The following SCN11A variants were observed in gnomAD, a reference collection of about 807,000 sequenced individuals.
SCN11A encodes sodium voltage-gated channel alpha subunit 11, also known as sodium channel protein type 11 subunit alpha.
SCN11A carries 122 observed loss-of-function variants against 162.2 expected under a neutral mutation model. The ratio of observed to expected loss-of-function variants is 0.75; its 90% CI spans 0.65 to 0.87. The LOEUF (loss-of-function observed/expected upper bound fraction) is 0.87. SCN11A is among the 40% of genes least tolerant of loss of function. The probability of loss-of-function intolerance (pLI) is 0.00; values close to 1 mark genes in which losing one functional copy is unlikely to be tolerated. For synonymous variants in SCN11A, 758 were observed against 751.5 expected (o/e 1.01, Z -0.14); for missense variants, 2,015 against 2,181.6 (o/e 0.92, Z 1.52).
chr3:38,898,629 C>A (rs73068506), intron 17 of SCN11A, among the ~76,000 whole-genome samples: 15,530 of 152,146 alleles, frequency 0.1, 1,073 homozygotes, highest in East Asian at 0.22. Flanking sequence ...TAGATCTTCA[C>A]GGACTTTATA....
At chr3:38,939,550 T>A (rs957661476) in intron 7 of SCN11A, among the ~76,000 whole-genome samples, 1 of 152,214 alleles carries the variant, frequency 6.6e-6, no homozygotes, top group Non-Finnish European at 1.5e-5. Context: ...CAGATATAAA[T>A]CACTTTACTG....
Position 38,926,813 on chromosome 3 carries a change from T to A in SCN11A, c.607A>T (p.Ile203Phe), listed in dbSNP as rs752554589. The change falls in exon 8 of 30, where the codon ATT becomes TTT. Residue 203 changes from isoleucine (I) to phenylalanine (F), a missense_variant. Coordinates refer to ENST00000302328, the MANE Select transcript of SCN11A (RefSeq NM_001349253.2). ...DPWNWLDSIV[I>F]GIAIVSYIPG... Reference sequence around the variant, plus strand: ...CTTTAATATTCTTACGCTATTCCAATGACAATGGAGTCCAGCCAGTTCCAT... The same window carrying A: ...CTTTAATATTCTTACGCTATTCCAAAGACAATGGAGTCCAGCCAGTTCCAT... 1.2e-6 allele frequency: 2 copies of A among 1,613,612 alleles called. No individual in the cohort carries two copies. Among genetic ancestry groups the A allele is most frequent in the East Asian group, 4.5e-5 (2 of 44,900 alleles).
chr3:38,848,028 A>C (rs1032235954), intron 29 of SCN11A, among the ~76,000 whole-genome samples: 4 of 152,160 alleles, frequency 2.6e-5, no homozygotes, highest in Admixed American at 1.3e-4. Context: ...AAAGAGCCAC[A>C]ATGTCTGTAG....
At chr3:39,042,957 C>CAAA (rs561204433) in intron 1 of SCN11A, among the ~76,000 whole-genome samples, 8 of 65,968 alleles carry the variant, frequency 1.2e-4, no homozygotes, top group Admixed American at 2.0e-4. Context: ...AACTCCATCT[C>CAAA]AAAAAAAAAA....
intron 11 of SCN11A, among the ~76,000 whole-genome samples, chr3:38,916,967 G>A (rs2065969927): frequency 6.6e-6 from 1 of 152,172 alleles, no homozygotes; most frequent in African/African-American, 2.4e-5. Flanking sequence ...TGTGTACTAG[G>A]AGTTGGTTTA....
chr3:38,852,023 T>A (rs138891736), intron 28 of SCN11A, among the ~76,000 whole-genome samples: 1 of 151,946 alleles, frequency 6.6e-6, no homozygotes, highest in South Asian at 2.1e-4. Context: ...GCAGGTTGAG[T>A]TGAGGTGCCA....
intron 1 of SCN11A, among the ~76,000 whole-genome samples, chr3:39,037,474 G>C (rs2031937169): frequency 6.6e-6 from 1 of 152,084 alleles, no homozygotes; most frequent in East Asian, 1.9e-4. Context: ...ATAACTAAGG[G>C]AGTACAATTG....
At chr3:38,929,803 C>G (rs951711274) in intron 7 of SCN11A, among the ~76,000 whole-genome samples, 1 of 152,154 alleles carries the variant, frequency 6.6e-6, no homozygotes, top group Non-Finnish European at 1.5e-5. Context: ...GTTCAGGCCT[C>G]TTTACCCTTG....
chr3:38,847,456 G>T lies in SCN11A; in HGVS notation c.4614C>A (p.Ala1538=). ...IDDIFNFKTF[A]SSMLCLFQIS... is the part of the protein sequence containing the mutation. Reference sequence around the variant, plus strand: ...TCTGGAAGAGACAGAGCATGCTGCTGGCAAAAGTCTTGAAGTTGAATATGT... The same window carrying T: ...TCTGGAAGAGACAGAGCATGCTGCTTGCAAAAGTCTTGAAGTTGAATATGT... Residue 1538 remains alanine, a synonymous_variant, in exon 30 of 30, where the codon GCC becomes GCA. Coordinates refer to ENST00000302328, the MANE Select transcript of SCN11A (RefSeq NM_001349253.2). 1.2e-6 allele frequency: 2 copies of T among 1,614,166 alleles called. No individual in the cohort carries two copies. The highest frequency in any genetic ancestry group is 1.7e-6 in the Non-Finnish European group (2 of 1,180,034).
chr3:39,037,651 C>T (rs1051155298), intron 1 of SCN11A, among the ~76,000 whole-genome samples: 4 of 152,000 alleles, frequency 2.6e-5, no homozygotes, highest in African/African-American at 9.7e-5. Flanking sequence ...AAAAATTAAA[C>T]TGTACAGGAG....
chr3:38,960,596 TAAAG>T (rs2066732573), intron 2 of SCN11A, among the ~76,000 whole-genome samples, 173 bp from the exon 3 acceptor site: 1 of 152,232 alleles, frequency 6.6e-6, no homozygotes, highest in African/African-American at 2.4e-5. Context: ...GCATCATTAA[TAAAG>T]AAACAGGTTG....
At chr3:38,861,145 C>G (rs991129620) in intron 28 of SCN11A, among the ~76,000 whole-genome samples, 1 of 151,926 alleles carries the variant, frequency 6.6e-6, no homozygotes, top group Non-Finnish European at 1.5e-5. Flanking sequence ...TTTACAACAG[C>G]TGCAGAAAAA....
At chr3:39,031,534 CAAACAAACA>C (rs2031749342) in intron 2 of SCN11A, among the ~76,000 whole-genome samples, 1 of 121,940 alleles carries the variant, frequency 8.2e-6, no homozygotes, top group African/African-American at 3.6e-5. Context: ...AAACAAAAAA[CAAACAAACA>C]AAAAAAAAAC....
chr3:38,894,727 T>C lies in SCN11A; in HGVS notation c.2641A>G (p.Ile881Val), dbSNP rs376275036. 68 of 1,614,080 alleles carry C rather than the reference T, an allele frequency of 4.2e-5. No homozygotes were observed. Among genetic ancestry groups the C allele is most frequent in the Admixed American group, 1.8e-4 (11 of 60,006 alleles). ...GGCAAQSKDI[I>V]PLVMEMKRGS... ...CTTTTCATCTCCATGACCAGGGGAA[T>C]GATGTCTTTGCTTTGTGCAGCACAG... Residue 881 changes from isoleucine to valine, a missense_variant, in exon 19 of 30, where the codon ATT becomes GTT. Physicochemically the swap from Ile to Val is conservative, Grantham distance 29. Transcript: ENST00000302328.
chr3:38,907,353 TATATACACACACAC>T (rs1470917904), intron 14 of SCN11A, among the ~76,000 whole-genome samples: 6 of 60,648 alleles, frequency 9.9e-5, no homozygotes, highest in African/African-American at 2.8e-4. Context: ...TATATATCTA[TATATACACACACAC>T]ACACACACAC....
intron 11 of SCN11A, among the ~76,000 whole-genome samples, chr3:38,912,103 C>G (rs2065894689): frequency 1.3e-5 from 2 of 152,304 alleles, no homozygotes; most frequent in South Asian, 4.1e-4. Context: ...ATTGTGCCCT[C>G]TTTCTCACCA....
chr3:38,946,683 T>C, intron 6 of SCN11A, 106 bp downstream of exon 6: 1 of 752,912 alleles, frequency 1.3e-6, no homozygotes, highest in Non-Finnish European at 2.3e-6. Flanking sequence ...AGCCAGTATT[T>C]GTAGAAAGAA....
At chr3:39,050,403 A>G (rs1047249777) in intron 1 of SCN11A, among the ~76,000 whole-genome samples, 4 of 152,208 alleles carry the variant, frequency 2.6e-5, no homozygotes, top group African/African-American at 9.6e-5. Context: ...TGATTCCCCA[A>G]CACCTAATAT....
intron 16 of SCN11A, among the ~76,000 whole-genome samples, chr3:38,902,216 C>G (rs1260665558): frequency 6.6e-6 from 1 of 152,200 alleles, no homozygotes; most frequent in African/African-American, 2.4e-5. Flanking sequence ...TCAACTGAAA[C>G]AATTTCAGCT....
Sources: allele counts gnomAD v4.1 joint callset (sites outside exome capture counted in the v4.1 genomes callset), GRCh38; gene constraint gnomAD v4.1.1; transcripts MANE v1.5; gene names NCBI Gene and HGNC (gene_info 2026-07-23, HGNC 2026-07-21).